Variants in MYH3 observed in about 807,000 individuals in gnomAD.
MYH3 encodes the protein myosin-3.
In MYH3, 130 loss-of-function variants were observed where a neutral mutation model predicts 238.0. The ratio of observed to expected loss-of-function variants is 0.55; its 90% CI spans 0.47 to 0.63. The LOEUF is 0.63. Ranked by LOEUF, MYH3 falls within the 30% of genes least tolerant of loss-of-function variation. MYH3 has a pLI of 0.00. For missense variants in MYH3, 1,853 were observed against 2,374.9 expected (o/e 0.78, Z 4.57); for synonymous variants, 880 against 924.1 (o/e 0.95, Z 0.86).
intron 33 of MYH3, among the ~76,000 whole-genome samples, chr17:10,633,085 G>A (rs936300133): frequency 4.6e-5 from 7 of 152,030 alleles, no homozygotes; most frequent in Non-Finnish European, 1.0e-4. Flanking sequence ...GGTGGTGCCC[G>A]CCTGTAATCC....
intron 4 of MYH3, 114 bp downstream of exon 4, chr17:10,652,306 G>T: frequency 1.5e-6 from 2 of 1,313,850 alleles, no homozygotes; most frequent in South Asian, 1.2e-5. Context: ...TTGTTCATCA[G>T]CTAGGCAAGC....
rs774463293 is a variant in MYH3 at position 10,630,463 on chromosome 17, A to G, written c.5287-5T>C. On this transcript the variant is annotated splice_polypyrimidine_tract_variant and splice_region_variant and intron_variant, in intron 36 of 40. Transcript: ENST00000583535. ...CTCCTCCGCCATCATGGCAGCCTGA[A>G]AAGCACATGGGACTTGCTAGGATGC... is the stretch of plus-strand genomic sequence containing the variant. 6.2e-7 allele frequency: 1 copy of G among 1,614,064 alleles called. No homozygotes were observed. Among genetic ancestry groups the G allele is most frequent in the Non-Finnish European group, 8.5e-7 (1 of 1,180,050 alleles).
Position 10,634,195 on chromosome 17 carries a change from A to G in MYH3, c.4357-13T>C. The G allele has an allele frequency of 6.2e-7, 1 of 1,614,114 alleles. No homozygotes were observed. Among genetic ancestry groups the G allele is most frequent in the Non-Finnish European group, 8.5e-7 (1 of 1,180,010 alleles). ...ACTCTGCCAACACCTGAAACACCGG[A>G]CGGAAGTTCTCTCCGTTTCTGAGCT... On this transcript the variant is annotated splice_polypyrimidine_tract_variant and intron_variant, in intron 31 of 40. Transcript: ENST00000583535.
Position 10,635,121 on chromosome 17 carries a change from A to AC in MYH3, c.4173-99dup. 2.1e-6 allele frequency: 3 copies of AC among 1,427,806 alleles called. No homozygotes were observed. The Admixed American group carries it at 5.2e-5, about 25-fold the overall frequency. 88.4% of individuals were successfully genotyped at this position (1,427,806 alleles called of 1,614,324 possible). A position where few individuals can be genotyped will look rare whatever the true frequency, so the allele number is the denominator to read the frequency against. On this transcript the variant is annotated intron_variant, in intron 30 of 40. Coordinates refer to ENST00000583535, the MANE Select transcript of MYH3 (RefSeq NM_002470.4). ...GGAATCACTAATCTATGTGATTCAGACACCCATGTGTTTTTATACGCCCAG... is the reference window on the plus strand; with the variant it reads ...GGAATCACTAATCTATGTGATTCAGACCACCCATGTGTTTTTATACGCCCAG...
Position 10,646,228 on chromosome 17 carries a change from T to C in MYH3, c.899-196A>G, listed in dbSNP as rs1793551501. Among the ~76,000 whole-genome samples the C allele has an allele frequency of 2.0e-5, 3 of 152,116 alleles. No homozygotes were observed. The South Asian group carries it at 6.2e-4, about 31-fold the overall frequency. The stretch of plus-strand genomic sequence containing the variant: ...ATAGTCCAGGGAAGACTTTTCAGTC[T>C]CCCACACAATGGAGATGAAGGACCC... On this transcript the variant is annotated intron_variant, in intron 10 of 40. Coordinates refer to ENST00000583535, the MANE Select transcript of MYH3 (RefSeq NM_002470.4).
Position 10,654,149 on chromosome 17 carries a change from T to C in MYH3, c.204+712A>G, listed in dbSNP as rs3815008. 0.57 allele frequency among the ~76,000 whole-genome samples: 83,539 copies of C among 145,492 alleles called. 26,305 individuals carry two copies. Among genetic ancestry groups the C allele is most frequent in the Non-Finnish European group, 0.73 (48,719 of 66,964 alleles). ...TGTCTCTTTTATTTTCTTTCTTTCT[T>C]TCTCTTTCTTTCTTTCCTTCCTTCC... On this transcript the variant is annotated intron_variant, in intron 3 of 40. Transcript: ENST00000583535. The surrounding 1 kb of genome is among the most constrained non-coding windows in gnomAD (Gnocchi z 4.5).
At chr17:10,676,570 T>C in the MYH3 span, 46 of 152,266 alleles carry the variant, frequency 3.0e-4, no homozygotes, top group African/African-American at 1.1e-3. Flanking sequence ...TTCCAAATTT[T>C]CACAATAAAA....
Position 10,635,917 on chromosome 17 carries a change from ATG to A in MYH3, c.3857-66_3857-65del, listed in dbSNP as rs1441265549. ...CTCATTCACTCACCAACTTTCTATT[ATG>A]TGTAGGGCACTGTGCTAAGATCTGG... is the stretch of plus-strand genomic sequence containing the variant. On this transcript the variant is annotated intron_variant, in intron 28 of 40. Coordinates refer to ENST00000583535, the MANE Select transcript of MYH3 (RefSeq NM_002470.4). 3.0e-6 allele frequency: 4 copies of A among 1,323,764 alleles called. No individual in the cohort carries two copies. In the East Asian group the frequency reaches 6.9e-5, roughly 23 times the overall value. The allele number at this position is 1,323,764 out of a possible 1,614,324, so 82.0% of individuals were successfully genotyped here.
chr17:10,671,734 C>T, the MYH3 span, among the ~76,000 whole-genome samples: 4 of 151,896 alleles, frequency 2.6e-5, no homozygotes, highest in African/African-American at 9.7e-5. Context: ...CACCGGCCAC[C>T]ACGCCCGGCT....
At chr17:10,647,330 G>C in intron 9 of MYH3, 33 bp downstream of exon 9, 1 of 1,613,834 alleles carries the variant, frequency 6.2e-7, no homozygotes, top group South Asian at 1.1e-5. Context: ...AGTTAACTCT[G>C]AGACGCCATC....
Position 10,646,710 on chromosome 17 carries a change from A to C in MYH3, c.898+472T>G, listed in dbSNP as rs982850529. ...TGCCCTCCATTTGATTAGGTTTTCA[A>C]ATTGGCATGTCACTGCCCAGATAGC... On this transcript the variant is annotated intron_variant, in intron 10 of 40. Transcript: ENST00000583535. 2.0e-5 allele frequency among the ~76,000 whole-genome samples: 3 copies of C among 152,150 alleles called. No individual in the cohort carries two copies. The East Asian group carries it at 5.8e-4, about 29-fold the overall frequency.
rs2074262964 is a variant in MYH3 at position 10,640,693 on chromosome 17, T to C, written c.2166-7A>G. Reference sequence around the variant, plus strand: ...GGCATTCAGCACTCGGTATCTGCATTGTAGACATGGAAATCATCACAGACT... The same window carrying C: ...GGCATTCAGCACTCGGTATCTGCATCGTAGACATGGAAATCATCACAGACT... On this transcript the variant is annotated splice_region_variant and splice_polypyrimidine_tract_variant and intron_variant, in intron 19 of 40. Coordinates refer to ENST00000583535, the MANE Select transcript of MYH3 (RefSeq NM_002470.4). The C allele has an allele frequency of 6.2e-7, 1 of 1,613,974 alleles. No individual in the cohort carries two copies. Among genetic ancestry groups the C allele is most frequent in the African/African-American group, 1.3e-5 (1 of 75,048 alleles).
Position 10,640,144 on chromosome 17 carries a change from T to C in MYH3, c.2534A>G (p.Glu845Gly). 6.2e-7 allele frequency: 1 copy of C among 1,614,180 alleles called. No individual in the cohort carries two copies. The highest frequency in any genetic ancestry group is 8.5e-7 in the Non-Finnish European group (1 of 1,180,038). ...FKIKPLLKSA[E>G]TEKEMATMKE... is the part of the protein sequence containing the mutation. ...CATGGTGGCCATCTCTTTCTCAGTC[T>C]CTGCACTCTTGAGGAGGGGCTTGAT... The change falls in exon 22 of 41, where the codon GAG becomes GGG. Residue 845 changes from glutamate to glycine, a missense_variant. Around this residue, in one of 3 missense-constraint regions of MYH3, gnomAD observed 678 missense variants for 1,058.9 expected, o/e 0.64. Coordinates refer to ENST00000583535, the MANE Select transcript of MYH3 (RefSeq NM_002470.4).
chr17:10,631,753 G>A lies in MYH3; in HGVS notation c.5161-17C>T. 6.2e-7 allele frequency: 1 copy of A among 1,614,136 alleles called. No homozygotes were observed. The highest frequency in any genetic ancestry group is 8.5e-7 in the Non-Finnish European group (1 of 1,180,026). ...GCTGGTGTTCTAGGGCAAGAGGAGG[G>A]CTGTTAACCAGGTGCGTATGAGGCT... On this transcript the variant is annotated splice_polypyrimidine_tract_variant and intron_variant, in intron 35 of 40. Coordinates refer to ENST00000583535, the MANE Select transcript of MYH3 (RefSeq NM_002470.4).
chr17:10,660,200 C>T (rs2074470329), upstream of MYH3, among the ~76,000 whole-genome samples: 1 of 152,228 alleles, frequency 6.6e-6, no homozygotes, highest in African/African-American at 2.4e-5. Context: ...CCCAACATCG[C>T]ACACACCATG....
the MYH3 span, among the ~76,000 whole-genome samples, chr17:10,671,893 C>T: frequency 2.0e-5 from 3 of 152,256 alleles, no homozygotes; most frequent in Admixed American, 6.5e-5. Context: ...GGAACACCCG[C>T]GCCCAGCCAG....
the MYH3 span, chr17:10,676,300 A>C: frequency 6.6e-6 from 1 of 152,142 alleles, no homozygotes; most frequent in Non-Finnish European, 1.5e-5. Flanking sequence ...CATGTTGGTC[A>C]GGCCAGTCTC....
the MYH3 span, among the ~76,000 whole-genome samples, chr17:10,662,365 C>T: frequency 6.6e-6 from 1 of 152,132 alleles, no homozygotes; most frequent in Non-Finnish European, 1.5e-5. Context: ...TAGGTAAGTA[C>T]AAAGCGTAAT....
At chr17:10,664,899 G>C in the MYH3 span, among the ~76,000 whole-genome samples, 5 of 152,236 alleles carry the variant, frequency 3.3e-5, no homozygotes, top group Admixed American at 1.3e-4. Context: ...TTGGAGAAAG[G>C]AATTAAAAGT....
Sources: gnomAD v4.1 joint callset for allele counts (sites outside exome capture counted in the v4.1 genomes callset) on GRCh38, gnomAD v4.1.1 for gene constraint, gnomAD v4.1.1 regional missense constraint, Gnocchi (gnomAD v3.1) non-coding constraint, MANE v1.5 for transcripts, NCBI Gene and HGNC (gene_info 2026-07-23, HGNC 2026-07-21) for gene names.